The following ATAD2B variants were observed in gnomAD, a reference collection of about 807,000 sequenced individuals.
The protein encoded by ATAD2B is ATPase family AAA domain containing 2B, also known as ATPase family AAA domain-containing protein 2B.
In ATAD2B, 40 loss-of-function variants were observed where a neutral mutation model predicts 167.6. The observed-to-expected ratio is 0.24, with a 90% CI of 0.19 to 0.31. The LOEUF (loss-of-function observed/expected upper bound fraction) is 0.31. Among genes scored for constraint, ATAD2B ranks in the 10% least tolerant of loss-of-function variants. The pLI, the probability that ATAD2B is intolerant of heterozygous loss-of-function variation, is 1.00. For missense variants in ATAD2B, 1,242 were observed against 1,757.2 expected, an observed-to-expected ratio of 0.71 and a Z score of 5.24; for synonymous variants, 579 against 596.5, an observed-to-expected ratio of 0.97 and a Z score of 0.43.
intron 13 of ATAD2B, among the ~76,000 whole-genome samples, chr2:23,851,188 A>C (rs145261120): frequency 1.3e-5 from 2 of 152,290 alleles, no homozygotes; most frequent in Non-Finnish European, 2.9e-5. Flanking sequence ...TCTCTCACCT[A>C]GGCTGTAGTT....
the ATAD2B span, among the ~76,000 whole-genome samples, chr2:23,702,773 G>A: frequency 2.6e-5 from 4 of 152,316 alleles, no homozygotes; most frequent in East Asian, 1.9e-4. Context: ...TAAGCACCTC[G>A]AGGGCAGGAA....
At chr2:23,779,322 CCCA>C (rs1679649193) in intron 22 of ATAD2B, among the ~76,000 whole-genome samples, 1 of 151,546 alleles carries the variant, frequency 6.6e-6, no homozygotes, top group African/African-American at 2.4e-5. Flanking sequence ...ACTATAGGCG[CCCA>C]CCACCACGCC....
chr2:23,908,688 G>A (rs1329190876), intron 1 of ATAD2B, among the ~76,000 whole-genome samples: 3 of 152,052 alleles, frequency 2.0e-5, no homozygotes, highest in African/African-American at 4.8e-5. Flanking sequence ...ACATGCACGC[G>A]TATGTTTATT....
intron 7 of ATAD2B, among the ~76,000 whole-genome samples, chr2:23,879,653 CAAAAAAAGAAAAAG>C (rs1473827043): frequency 3.3e-5 from 5 of 151,526 alleles, no homozygotes; most frequent in East Asian, 3.9e-4. Flanking sequence ...CTTCTGCCAG[CAAAAAAAGAAAAAG>C]AAAAAAAGAA....
the ATAD2B span, among the ~76,000 whole-genome samples, chr2:23,700,508 A>G: frequency 6.6e-6 from 1 of 152,154 alleles, no homozygotes; most frequent in Non-Finnish European, 1.5e-5. The surrounding 1 kb of genome is among the most constrained non-coding windows in gnomAD (Gnocchi z 4.6). Context: ...ATGTTCAGCA[A>G]CATCCCTATG....
chr2:23,713,847 C>T, the ATAD2B span, among the ~76,000 whole-genome samples: 1 of 152,100 alleles, frequency 6.6e-6, no homozygotes, highest in African/African-American at 2.4e-5. Context: ...AGTTATTGAA[C>T]ATTTGGGTTA....
At chr2:23,765,717 A>T in intron 22 of ATAD2B, 89 bp from the exon 23 acceptor site, 1 of 889,774 alleles carries the variant, frequency 1.1e-6, no homozygotes, top group Non-Finnish European at 1.5e-6. Flanking sequence ...AATACAAACA[A>T]AATTATAAAA....
At chr2:23,784,695 A>G (rs1303441603) in intron 21 of ATAD2B, among the ~76,000 whole-genome samples, 1 of 152,042 alleles carries the variant, frequency 6.6e-6, no homozygotes, top group African/African-American at 2.4e-5. Flanking sequence ...AGTGGAAGAA[A>G]GGGCACACAC....
the ATAD2B span, chr2:23,696,401 C>A: frequency 1.3e-6 from 2 of 1,551,574 alleles, no homozygotes; most frequent in Non-Finnish European, 1.7e-6. This position sits in a 1 kb window ranked among gnomAD's most constrained non-coding sequence, Gnocchi z 5.5. Context: ...TAACTGGAAC[C>A]TCGTCTCCAG....
chr2:23,824,156 C>T (rs1187058731), intron 15 of ATAD2B, among the ~76,000 whole-genome samples: 1 of 152,048 alleles, frequency 6.6e-6, no homozygotes, highest in African/African-American at 2.4e-5. Flanking sequence ...GAGATGAGGT[C>T]TCACTACATT....
chr2:23,853,236 G>C, intron 13 of ATAD2B, among the ~76,000 whole-genome samples: 1 of 152,030 alleles, frequency 6.6e-6, no homozygotes, highest in East Asian at 1.9e-4. Flanking sequence ...TCTAGCCAAA[G>C]AAATAAGAAA....
intron 8 of ATAD2B, chr2:23,872,424 T>A (rs1696136513): frequency 1.4e-6 from 1 of 717,874 alleles, no homozygotes; most frequent in Non-Finnish European, 2.6e-6. Flanking sequence ...CATCCAAATG[T>A]TTCACAATGC....
At chr2:23,695,582 TCTTGCTAG>T in the ATAD2B span, 2 of 1,421,196 alleles carry the variant, frequency 1.4e-6, no homozygotes, top group Admixed American at 4.6e-5. The surrounding 1 kb of genome is among the most constrained non-coding windows in gnomAD (Gnocchi z 7.6). Flanking sequence ...GGTGGCTCTC[TCTTGCTAG>T]TCTAAGAAGA....
intron 16 of ATAD2B, among the ~76,000 whole-genome samples, chr2:23,822,238 T>C (rs1306510914): frequency 6.6e-6 from 1 of 152,174 alleles, no homozygotes; most frequent in Non-Finnish European, 1.5e-5. Context: ...TGACCTTATA[T>C]TAATTAAATT....
chr2:23,725,469 T>C, the ATAD2B span, among the ~76,000 whole-genome samples: 1 of 152,212 alleles, frequency 6.6e-6, no homozygotes, highest in Non-Finnish European at 1.5e-5. Context: ...AATTATAACC[T>C]TGTCTAGTAG....
chr2:23,693,944 CAG>C, the ATAD2B span, among the ~76,000 whole-genome samples: 12 of 152,200 alleles, frequency 7.9e-5, no homozygotes, highest in Non-Finnish European at 1.5e-5. Flanking sequence ...GTTGGGTAAA[CAG>C]AGGATACAGA....
At chr2:23,723,496 AGGAG>A in the ATAD2B span, among the ~76,000 whole-genome samples, 16 of 70,966 alleles carry the variant, frequency 2.3e-4, no homozygotes, top group African/African-American at 6.8e-4. Context: ...AGGGAGGAAA[AGGAG>A]GGAGGGAGGG....
At chr2:23,780,566 T>C (rs1198040636) in intron 22 of ATAD2B, among the ~76,000 whole-genome samples, 2 of 152,146 alleles carry the variant, frequency 1.3e-5, no homozygotes, top group African/African-American at 4.8e-5. Context: ...TTTTACCATA[T>C]GGCCTGGGTT....
At chr2:23,680,041 C>G in the ATAD2B span, among the ~76,000 whole-genome samples, 20 of 152,110 alleles carry the variant, frequency 1.3e-4, no homozygotes, top group Admixed American at 1.3e-3. The surrounding 1 kb of genome is among the most constrained non-coding windows in gnomAD (Gnocchi z 4.1). Flanking sequence ...CCTTCAGCCC[C>G]GAAGGATTTG....
Sources: gnomAD v4.1 joint callset for allele counts (sites outside exome capture counted in the v4.1 genomes callset) on GRCh38, gnomAD v4.1.1 for gene constraint, Gnocchi (gnomAD v3.1) non-coding constraint, MANE v1.5 for transcripts, NCBI Gene and HGNC (gene_info 2026-07-23, HGNC 2026-07-21) for gene names.